NKAIN2: variants seen among roughly 807,000 people sequenced by gnomAD.
The protein encoded by NKAIN2 is sodium/potassium transporting ATPase interacting 2, also known as sodium/potassium-transporting ATPase subunit beta-1-interacting protein 2.
A neutral mutation model predicts 32.6 loss-of-function variants in NKAIN2; 14 were observed. The ratio of observed to expected loss-of-function variants is 0.43; its 90% confidence interval spans 0.28 to 0.67. The LOEUF (loss-of-function observed/expected upper bound fraction) is 0.67, where lower values mean the gene tolerates loss of function less well. Among genes scored for constraint, NKAIN2 ranks in the 30% least tolerant of loss-of-function variants. NKAIN2 has a pLI of 0.17. For missense variants in NKAIN2, 198 were observed against 258.3 expected (o/e 0.77, Z 1.60); for synonymous variants, 80 against 87.2 (o/e 0.92, Z 0.46).
rs535294639 is a variant in NKAIN2 at position 124,179,908 on chromosome 6, G to A, written c.55-103097G>A. On this transcript the variant is annotated intron_variant, in intron 1 of 6. Coordinates refer to ENST00000368417, the MANE Select transcript of NKAIN2 (RefSeq NM_001040214.3). ...ATGTCTAATTTTGGCAGTAACTGAAGCTTTATTTTCTGTAAGAGCTTGACA... is the reference window on the plus strand; with the variant it reads ...ATGTCTAATTTTGGCAGTAACTGAAACTTTATTTTCTGTAAGAGCTTGACA... Among the ~76,000 whole-genome samples the A allele has an allele frequency of 3.2e-3, 494 of 152,270 alleles. 1 individual carries two copies. Among genetic ancestry groups the A allele is most frequent in the Middle Eastern group, 0.017 (5 of 294 alleles).
At chr6:124,224,580 T>C (rs776139491) in intron 1 of NKAIN2, among the ~76,000 whole-genome samples, 3 of 152,100 alleles carry the variant, frequency 2.0e-5, no homozygotes, top group Non-Finnish European at 4.4e-5. Context: ...CAGTTCTGAT[T>C]GATGCCCAGC....
chr6:124,505,219 G>A (rs1465639002), intron 3 of NKAIN2, among the ~76,000 whole-genome samples: 1 of 152,204 alleles, frequency 6.6e-6, no homozygotes, highest in African/African-American at 2.4e-5. Flanking sequence ...GTGTGAGATG[G>A]AACAAATGCT....
At chr6:124,573,829 A>G (rs1781226374) in intron 3 of NKAIN2, among the ~76,000 whole-genome samples, 2 of 152,286 alleles carry the variant, frequency 1.3e-5, no homozygotes, top group East Asian at 1.9e-4. Flanking sequence ...GCTTCACTCA[A>G]ATCCTCTGAG....
chr6:124,013,049 A>G (rs1780409404), intron 1 of NKAIN2, among the ~76,000 whole-genome samples: 1 of 152,140 alleles, frequency 6.6e-6, no homozygotes, highest in South Asian at 2.1e-4. Flanking sequence ...TAGGTACCTT[A>G]TTGTAGTTTA....
At chr6:123,897,335 C>A (rs984367899) in intron 1 of NKAIN2, among the ~76,000 whole-genome samples, 2 of 152,076 alleles carry the variant, frequency 1.3e-5, no homozygotes, top group Admixed American at 1.3e-4. Context: ...CTTATGGCTC[C>A]CTGGACACAC....
At chr6:123,901,373 C>T (rs1327324400) in intron 1 of NKAIN2, among the ~76,000 whole-genome samples, 1 of 152,022 alleles carries the variant, frequency 6.6e-6, no homozygotes, top group Non-Finnish European at 1.5e-5. Context: ...AAACACTTCA[C>T]TATATTTGTC....
intron 4 of NKAIN2, among the ~76,000 whole-genome samples, chr6:124,683,951 C>T (rs1481849839): frequency 6.6e-6 from 1 of 152,170 alleles, no homozygotes; most frequent in African/African-American, 2.4e-5. Flanking sequence ...AGGTTCTTTA[C>T]ATGTGAGTCC....
chr6:124,459,504 G>A (rs865995633), intron 3 of NKAIN2, among the ~76,000 whole-genome samples: 20 of 151,814 alleles, frequency 1.3e-4, no homozygotes, highest in African/African-American at 4.6e-4. Context: ...ACAAATGACA[G>A]CTGAAAGAGG....
At chr6:124,803,566 T>C (rs1780363054) in intron 5 of NKAIN2, among the ~76,000 whole-genome samples, 1 of 152,152 alleles carries the variant, frequency 6.6e-6, no homozygotes, top group African/African-American at 2.4e-5. Context: ...TTTTTAAACA[T>C]TTAACTTATT....
At chr6:124,386,770 T>C (rs932611209) in intron 3 of NKAIN2, among the ~76,000 whole-genome samples, 2 of 152,190 alleles carry the variant, frequency 1.3e-5, no homozygotes, top group African/African-American at 4.8e-5. Context: ...CTGGATGGTC[T>C]GCTGCTGCAG....
chr6:124,604,020 T>C (rs1022003360), intron 3 of NKAIN2, among the ~76,000 whole-genome samples: 3 of 152,000 alleles, frequency 2.0e-5, no homozygotes, highest in Non-Finnish European at 4.4e-5. Context: ...TTTGAGAGTA[T>C]AAAAGGACAC....
chr6:124,245,124 C>T (rs1450659073), intron 1 of NKAIN2, among the ~76,000 whole-genome samples: 2 of 152,040 alleles, frequency 1.3e-5, no homozygotes, highest in African/African-American at 4.8e-5. Context: ...GGTGTTTGCG[C>T]TTGGCCAACC....
intron 3 of NKAIN2, among the ~76,000 whole-genome samples, chr6:124,645,939 C>A (rs904239321): frequency 2.0e-5 from 3 of 152,114 alleles, no homozygotes; most frequent in African/African-American, 7.2e-5. Context: ...CACTGCCTCA[C>A]CCTCACCCAG....
intron 1 of NKAIN2, among the ~76,000 whole-genome samples, chr6:124,260,132 A>T (rs1794168536): frequency 6.6e-6 from 1 of 152,170 alleles, no homozygotes; most frequent in Non-Finnish European, 1.5e-5. Context: ...CATTTTCATA[A>T]TGGAGATTCA....
intron 1 of NKAIN2, among the ~76,000 whole-genome samples, chr6:124,174,834 A>G (rs1385786747): frequency 6.6e-6 from 1 of 152,190 alleles, no homozygotes; most frequent in Non-Finnish European, 1.5e-5. Context: ...TTAGTGACAC[A>G]TTGGTCAGTC....
intron 4 of NKAIN2, among the ~76,000 whole-genome samples, chr6:124,746,798 C>T (rs570269426): frequency 6.6e-6 from 1 of 151,836 alleles, no homozygotes; most frequent in Non-Finnish European, 1.5e-5. Context: ...CATCAATAAG[C>T]TAAGTGACCT....
chr6:124,717,128 T>G (rs949196166), intron 4 of NKAIN2, among the ~76,000 whole-genome samples: 7 of 152,354 alleles, frequency 4.6e-5, no homozygotes, highest in African/African-American at 1.7e-4. Context: ...CTTGACACTT[T>G]CTCATTATTT....
intron 1 of NKAIN2, among the ~76,000 whole-genome samples, chr6:123,904,800 C>T (rs1774781123): frequency 6.6e-6 from 1 of 152,150 alleles, no homozygotes; most frequent in South Asian, 2.1e-4. Flanking sequence ...CTCTCCCTCG[C>T]TTGGATGTAA....
At chr6:124,216,773 T>TTATTGGCAAATACATAAATA (rs1171861751) in intron 1 of NKAIN2, among the ~76,000 whole-genome samples, 3 of 152,154 alleles carry the variant, frequency 2.0e-5, no homozygotes, top group African/African-American at 7.2e-5. Context: ...AGTTTTGTAT[T>TTATTGGCAAATACATAAATA]TATTGGCAAA....
Sources: allele counts gnomAD v4.1 joint callset (sites outside exome capture counted in the v4.1 genomes callset), GRCh38; gene constraint gnomAD v4.1.1; transcripts MANE v1.5; gene names NCBI Gene and HGNC (gene_info 2026-07-23, HGNC 2026-07-21).